NDUFS1: variants seen among roughly 807,000 people sequenced by gnomAD.
The protein encoded by NDUFS1 is NADH:ubiquinone oxidoreductase core subunit S1.
In NDUFS1, 61 loss-of-function variants were observed where a neutral mutation model predicts 84.4. The ratio of observed to expected loss-of-function variants is 0.72; its 90% CI spans 0.59 to 0.89. The LOEUF (loss-of-function observed/expected upper bound fraction) is 0.89, where lower values mean the gene tolerates loss of function less well. Ranked by LOEUF, NDUFS1 falls within the 40% of genes least tolerant of loss-of-function variation. The pLI, the probability that NDUFS1 is intolerant of heterozygous loss-of-function variation, is 0.00. For synonymous variants in NDUFS1, 275 were observed against 290.0 expected (o/e 0.95, Z 0.53); for missense variants, 891 against 890.0 (o/e 1.00, Z -0.01).
At chr2:206,145,795 T>C (rs752804249) in intron 8 of NDUFS1, among the ~76,000 whole-genome samples, 6 of 152,150 alleles carry the variant, frequency 3.9e-5, no homozygotes, top group Non-Finnish European at 8.8e-5. Context: ...TGAGAACTTC[T>C]TTGGTACAGA....
Position 206,116,624 on chromosome 2 carries a change from A to G in NDUFS1, c.*7561T>C, listed in dbSNP as rs1690951390. 4.3e-6 allele frequency: 2 copies of G among 470,140 alleles called. No individual in the cohort carries two copies. The highest frequency in any genetic ancestry group is 4.3e-5 in the South Asian group (2 of 46,558). The allele number at this position is 470,140 out of a possible 1,614,324, so 29.1% of individuals were successfully genotyped here. On this transcript the variant is annotated 3_prime_UTR_variant, in exon 19 of 19. Transcript: ENST00000233190. ...GTCTGGGCCTGGTGTGTTGGCTCAC[A>G]TGTGTAATTCCAGAACTTTGGGAGG...
chr2:206,140,405 G>A (rs1355573482), intron 12 of NDUFS1, among the ~76,000 whole-genome samples: 1 of 152,126 alleles, frequency 6.6e-6, no homozygotes, highest in African/African-American at 2.4e-5. Context: ...TCAGGCAGCT[G>A]AGGCAGGAGA....
rs1172699775 is a variant in NDUFS1, at chr2:206,159,436, G to T, written c.-100C>A. ...TCGCTTATTCAATATGGCGGCCTCG[G>T]CTAACTCTGTCAGCCGGGCCTGGAG... On this transcript the variant is annotated 5_prime_UTR_variant, in exon 1 of 19. Coordinates refer to ENST00000233190, the MANE Select transcript of NDUFS1 (RefSeq NM_005006.7). 2.2e-6 allele frequency: 1 copy of T among 445,178 alleles called. No individual in the cohort carries two copies. Among genetic ancestry groups the T allele is most frequent in the Non-Finnish European group, 4.1e-6 (1 of 245,808 alleles). The allele number at this position is 445,178 out of a possible 1,614,324, so 27.6% of individuals were successfully genotyped here.
intron 5 of NDUFS1, 33 bp downstream of exon 5, chr2:206,148,987 G>A (rs1238421436): frequency 6.7e-7 from 1 of 1,485,816 alleles, no homozygotes; most frequent in African/African-American, 1.4e-5. Flanking sequence ...TCTGCTTTAT[G>A]AAAGGGTACT....
intron 12 of NDUFS1, among the ~76,000 whole-genome samples, chr2:206,141,688 C>T (rs1243997258): frequency 2.7e-5 from 4 of 149,628 alleles, no homozygotes; most frequent in African/African-American, 9.8e-5. Context: ...GTCAGGAAAT[C>T]GAGACCATCC....
chr2:206,129,969 TG>T, intron 15 of NDUFS1, 118 bp downstream of exon 15: 1 of 1,122,120 alleles, frequency 8.9e-7, no homozygotes, highest in East Asian at 2.4e-5. Flanking sequence ...GGAGGAGGAG[TG>T]GGGGAGGCAA....
intron 9 of NDUFS1, 50 bp from the exon 10 acceptor site, chr2:206,144,182 A>G (rs758494294): frequency 1.4e-6 from 2 of 1,386,736 alleles, no homozygotes; most frequent in Non-Finnish European, 2.1e-6. Flanking sequence ...AGAAGTAACT[A>G]TAATTTTCAA....
chr2:206,149,964 A>G (rs1207696668), intron 3 of NDUFS1, 39 bp from the exon 4 acceptor site: 5 of 1,388,062 alleles, frequency 3.6e-6, no homozygotes, highest in African/African-American at 1.4e-5. Context: ...AAAAAGCATT[A>G]GAATAACCTG....
intron 15 of NDUFS1, among the ~76,000 whole-genome samples, chr2:206,128,725 G>A (rs1014642239): frequency 2.0e-5 from 3 of 150,392 alleles, no homozygotes; most frequent in Non-Finnish European, 4.4e-5. Context: ...GGGCTGCAGT[G>A]AGCCGAGATC....
At chr2:206,128,623 C>A (rs542877184) in intron 15 of NDUFS1, among the ~76,000 whole-genome samples, 18 of 151,414 alleles carry the variant, frequency 1.2e-4, no homozygotes, top group Non-Finnish European at 2.4e-4. Context: ...ACTAAAAATA[C>A]AAAAAAATTA....
intron 1 of NDUFS1, among the ~76,000 whole-genome samples, chr2:206,156,765 A>G (rs1687671302): frequency 6.6e-6 from 1 of 152,214 alleles, no homozygotes. Context: ...TTAATTAAGA[A>G]TATGTGATAC....
At chr2:206,133,453 G>C (rs2105953385) in intron 13 of NDUFS1, among the ~76,000 whole-genome samples, 4 of 152,330 alleles carry the variant, frequency 2.6e-5, no homozygotes, top group Admixed American at 2.6e-4. Context: ...GTTAATTAAA[G>C]AATAGGAAAA....
At chr2:206,139,936 T>A (rs1353173469) in intron 12 of NDUFS1, among the ~76,000 whole-genome samples, 1 of 148,216 alleles carries the variant, frequency 6.7e-6, no homozygotes, top group Non-Finnish European at 1.5e-5. Context: ...TTGTAATGTA[T>A]GACTCCAGAA....
chr2:206,148,942 CTATGGGAAGGTCTAAATACCAAAA>C, intron 5 of NDUFS1, 54 bp downstream of exon 5: 1 of 1,038,580 alleles, frequency 9.6e-7, no homozygotes, highest in East Asian at 2.4e-5. Context: ...AATTCTTAAT[CTATGGGAAGGTCTAAATACCAAAA>C]TGTGCAATTT....
rs1051106939 is a variant in NDUFS1 at position 206,138,396 on chromosome 2, C to T, written c.1392+89G>A. 4.8e-6 allele frequency: 7 copies of T among 1,454,218 alleles called. No homozygotes were observed. In the African/African-American group the frequency reaches 8.6e-5, roughly 18 times the overall value. 90.1% of individuals were successfully genotyped at this position (1,454,218 alleles called of 1,614,324 possible). On this transcript the variant is annotated intron_variant, in intron 13 of 18. Transcript: ENST00000233190. ...GCGCCCAACCTGGTGTAAGTTTTAA[C>T]ACTTACATAGGATTATTACAAAAAC...
At chr2:206,136,928 T>G (rs1196950239) in intron 13 of NDUFS1, among the ~76,000 whole-genome samples, 1 of 150,564 alleles carries the variant, frequency 6.6e-6, no homozygotes, top group African/African-American at 2.4e-5. Flanking sequence ...TAATTATGTA[T>G]TTTTAATAGA....
At chr2:206,130,009 C>T in intron 15 of NDUFS1, 79 bp downstream of exon 15, 1 of 1,557,626 alleles carries the variant, frequency 6.4e-7, no homozygotes, top group Middle Eastern at 1.8e-4. Flanking sequence ...ATTCAGTTCA[C>T]TAAATATATT....
rs1189964011 is a variant in NDUFS1 at position 206,117,376 on chromosome 2, G to T, written c.*6809C>A. ...GCTTCTTGAGGACATTAGCTAAATT[G>T]TATTTCTCTTTGTAGTCTTGGGTAA... On this transcript the variant is annotated 3_prime_UTR_variant, in exon 19 of 19. Transcript: ENST00000233190. 8 of 152,218 alleles carry T rather than the reference G, an allele frequency of 5.3e-5. No individual in the cohort carries two copies. The highest frequency in any genetic ancestry group is 1.7e-4 in the African/African-American group (7 of 41,458). The allele number at this position is 152,218 out of a possible 1,614,324, so 9.4% of individuals were successfully genotyped here. A position where few individuals can be genotyped will look rare whatever the true frequency, so the allele number is the denominator to read the frequency against.
intron 6 of NDUFS1, 46 bp from the exon 7 acceptor site, chr2:206,147,707 T>C: frequency 6.2e-7 from 1 of 1,613,962 alleles, no homozygotes; most frequent in Non-Finnish European, 8.5e-7. Context: ...CTAATAAAAT[T>C]AAAATCTGAG....
Sources: gnomAD v4.1 joint callset for allele counts (sites outside exome capture counted in the v4.1 genomes callset) on GRCh38, gnomAD v4.1.1 for gene constraint, MANE v1.5 for transcripts, NCBI Gene and HGNC (gene_info 2026-07-23, HGNC 2026-07-21) for gene names.